Variants in ENDOV observed in about 807,000 individuals in gnomAD.
The protein encoded by ENDOV is endonuclease V.
ENDOV carries 37 observed loss-of-function variants against 39.4 expected under a neutral mutation model. The ratio of observed to expected loss-of-function variants is 0.94; its 90% CI spans 0.72 to 1.23. The LOEUF is 1.23. Among genes scored for constraint, ENDOV ranks in the 50% most tolerant of loss-of-function variants. The probability of loss-of-function intolerance (pLI) is 0.00; values close to 1 mark genes in which losing one functional copy is unlikely to be tolerated. For missense variants in ENDOV, 441 were observed against 375.7 expected, an observed-to-expected ratio of 1.17 and a Z score of -1.44; for synonymous variants, 186 against 163.4, an observed-to-expected ratio of 1.14 and a Z score of -1.05.
intron 2 of ENDOV, chr17:80,420,623 AACAAAACTGCAGGAAGGTAG>A (rs1209922239): frequency 6.6e-6 from 1 of 152,388 alleles, no homozygotes; most frequent in African/African-American, 2.4e-5. Context: ...GGGATTCAGT[AACAAAACTGCAGGAAGGTAG>A]ACAGGTCTGC....
intron 7 of ENDOV, chr17:80,428,298 G>C: frequency 2.3e-6 from 1 of 437,152 alleles, no homozygotes; most frequent in South Asian, 2.7e-5. Context: ...GCCACTGGTG[G>C]GGAGGAGACC....
At chr17:80,422,377 T>A in intron 4 of ENDOV, 132 bp downstream of exon 4, 1 of 1,115,686 alleles carries the variant, frequency 9.0e-7, no homozygotes, top group African/African-American at 1.6e-5. Context: ...GGCTTCTTTC[T>A]CGGCGCAACG....
At position 80,425,250 on chromosome 17, in the gene ENDOV, A is replaced by G. The variant is rs4075160; in HGVS notation, c.585+150A>G. On this transcript the variant is annotated intron_variant, in intron 6 of 9. Transcript: ENST00000518137. ...CCATCCATCCTCCTGCCTCTGACTG[A>G]GTCCAGGGTGTGATGTTTGTGTTTC... 0.016 allele frequency: 14,043 copies of G among 867,466 alleles called. 1,356 individuals are homozygous for G. The African/African-American group carries it at 0.22, about 13-fold the overall frequency. The allele number at this position is 867,466 out of a possible 1,614,324, so 53.7% of individuals were successfully genotyped here.
At chr17:80,429,685 C>T (rs914073345) in intron 8 of ENDOV, 88 bp from the exon 9 acceptor site, 17 of 1,305,690 alleles carry the variant, frequency 1.3e-5, no homozygotes, top group South Asian at 7.1e-5. Context: ...CCAGGCCAAG[C>T]GCAGTTCCCA....
chr17:80,417,414 T>TCTTA (rs2144808116), intron 2 of ENDOV: 1 of 152,336 alleles, frequency 6.6e-6, no homozygotes, highest in South Asian at 2.1e-4. Flanking sequence ...CAGCACCATG[T>TCTTA]CTTAGTCCGT....
chr17:80,428,450 C>T (rs983677921), intron 7 of ENDOV, 146 bp from the exon 8 acceptor site: 57 of 753,454 alleles, frequency 7.6e-5, no homozygotes, highest in South Asian at 4.0e-4. Context: ...GACAGGGCCG[C>T]GGCTCCTGAG....
chr17:80,415,678 G>C lies in ENDOV; in HGVS notation c.85G>C (p.Val29Leu), dbSNP rs35549084. 1.2e-6 allele frequency: 2 copies of C among 1,612,214 alleles called. No homozygotes were observed. ...REQARLKAHV[V>L]DRDTEAWQRD... The stretch of plus-strand genomic sequence containing the variant: ...GCAAGCTCGGCTGAAGGCCCACGTC[G>C]TAGACCGGGACACCGAGGCGTGGCA... The change falls in exon 2 of 10, where the codon GTA becomes CTA. Residue 29 changes from valine (V) to leucine (L), a missense_variant. Val to Leu is a conservative substitution (Grantham distance 32, BLOSUM62 1). Coordinates refer to ENST00000518137, the MANE Select transcript of ENDOV (RefSeq NM_173627.5).
chr17:80,428,568 C>G (rs889726353), intron 7 of ENDOV, 28 bp from the exon 8 acceptor site: 14 of 1,563,176 alleles, frequency 9.0e-6, no homozygotes, highest in African/African-American at 4.1e-5. Context: ...ACCAGCTCAG[C>G]ACCCAGCAGC....
Position 80,436,298 on chromosome 17 carries a change from C to T in ENDOV, c.*155C>T, listed in dbSNP as rs533100537. Reference sequence around the variant, plus strand: ...ACGCGGTGGTGAGAGCACACGTCCTCGTCTCGTTCCTGATCGAACGTGGTG... The same window carrying T: ...ACGCGGTGGTGAGAGCACACGTCCTTGTCTCGTTCCTGATCGAACGTGGTG... On this transcript the variant is annotated 3_prime_UTR_variant, in exon 10 of 10. Coordinates refer to ENST00000518137, the MANE Select transcript of ENDOV (RefSeq NM_173627.5). The T allele has an allele frequency of 3.8e-6, 6 of 1,572,588 alleles. No individual in the cohort carries two copies. The highest frequency in any genetic ancestry group is 3.4e-5 in the South Asian group (3 of 87,058).
Position 80,436,461 on chromosome 17 carries a change from T to A in ENDOV, c.*318T>A. Reference sequence around the variant, plus strand: ...AAGACGGTCCCTTCTAGTCCTAATTTGTTAAGTGTTTTTATCCTTAAAGGG... The same window carrying A: ...AAGACGGTCCCTTCTAGTCCTAATTAGTTAAGTGTTTTTATCCTTAAAGGG... On this transcript the variant is annotated 3_prime_UTR_variant, in exon 10 of 10. Transcript: ENST00000518137. 1.0e-6 allele frequency: 1 copy of A among 1,004,100 alleles called. No homozygotes were observed. 62.2% of individuals were successfully genotyped at this position (1,004,100 alleles called of 1,614,324 possible).
chr17:80,426,321 A>G (rs2082679563), intron 7 of ENDOV, among the ~76,000 whole-genome samples: 1 of 152,206 alleles, frequency 6.6e-6, no homozygotes, highest in African/African-American at 2.4e-5. Context: ...AGGAAGGGGA[A>G]GGACAGCCCT....
chr17:80,421,867 C>T lies in ENDOV; in HGVS notation c.268C>T (p.Pro90Ser), dbSNP rs367553290. Residue 90 changes from proline to serine, a missense_variant, in exon 3 of 10, where the codon CCC (proline) becomes TCC (serine). Pro to Ser is a moderately conservative substitution (Grantham distance 74, BLOSUM62 -1). Transcript: ENST00000518137. ...EESRMVSLTA[P>S]YVSGFLAFRE... ...GAGCCGCATGGTCAGCCTCACAGCC[C>T]CCTACGTGTCGGGCTTCCTGGCCTT... 6.2e-6 allele frequency: 10 copies of T among 1,604,978 alleles called. No individual in the cohort carries two copies. In the African/African-American group the frequency reaches 9.4e-5, roughly 15 times the overall value.
intron 2 of ENDOV, among the ~76,000 whole-genome samples, chr17:80,416,789 G>A (rs1199524900): frequency 7.2e-6 from 1 of 139,400 alleles, no homozygotes; most frequent in African/African-American, 2.7e-5. Flanking sequence ...CCCACTCTGT[G>A]CCCAGGCTGA....
At chr17:80,426,049 TCTGGGGACTTGGGTATGCCCGCCC>T (rs1165958265) in intron 7 of ENDOV, among the ~76,000 whole-genome samples, 2 of 152,158 alleles carry the variant, frequency 1.3e-5, no homozygotes, top group Non-Finnish European at 2.9e-5. Context: ...GAGACGCCAG[TCTGGGGACTTGGGTATGCCCGCCC>T]CAGGACCCAG....
At chr17:80,425,688 C>A in intron 7 of ENDOV, 68 bp downstream of exon 7, 1 of 1,532,224 alleles carries the variant, frequency 6.5e-7, no homozygotes, top group Non-Finnish European at 8.7e-7. Context: ...CTGTTCAGGG[C>A]TCCCCAGCAG....
At chr17:80,420,064 G>T in intron 2 of ENDOV, 1 of 232,232 alleles carries the variant, frequency 4.3e-6, no homozygotes, top group Non-Finnish European at 8.8e-6. Flanking sequence ...AGCTGTTGCT[G>T]CTCTGGAATA....
rs758918125 is a variant in ENDOV at position 80,437,190 on chromosome 17, G to A, written c.*1047G>A. 6.5e-6 allele frequency: 1 copy of A among 152,694 alleles called. No homozygotes were observed. The highest frequency in any genetic ancestry group is 1.5e-5 in the Non-Finnish European group (1 of 68,078). The allele number at this position is 152,694 out of a possible 1,614,324, so 9.5% of individuals were successfully genotyped here. ...AGATGCTGAGCAGTGATCTGGCTGG[G>A]AAAGGGGACCAGGAGTGCAGGGCAC... On this transcript the variant is annotated 3_prime_UTR_variant, in exon 10 of 10. Transcript: ENST00000518137.
chr17:80,425,521 G>T lies in ENDOV; in HGVS notation c.615G>T (p.Arg205Ser), dbSNP rs757201690. 2.5e-6 allele frequency: 4 copies of T among 1,598,178 alleles called. No individual in the cohort carries two copies. Among genetic ancestry groups the T allele is most frequent in the African/African-American group, 1.3e-5 (1 of 74,884 alleles). Residue 205 changes from arginine to serine, a missense_variant, in exon 7 of 10, where the codon AGG (arginine) becomes AGT (serine). Arg to Ser is a moderately radical substitution (Grantham distance 110). Coordinates refer to ENST00000518137, the MANE Select transcript of ENDOV (RefSeq NM_173627.5). Reference sequence around the variant, plus strand: ...TGAGGAGCCACGACCGCAGCACCAGGCCCCTCTACATCTCCGTGGGCCACA... The same window carrying T: ...TGAGGAGCCACGACCGCAGCACCAGTCCCCTCTACATCTCCGTGGGCCACA... Reference protein sequence around the residue: ...MALRSHDRSTRPLYISVGHRM... With the variant: ...MALRSHDRSTSPLYISVGHRM...
At chr17:80,434,131 C>G (rs993892470) in intron 9 of ENDOV, among the ~76,000 whole-genome samples, 1 of 152,214 alleles carries the variant, frequency 6.6e-6, no homozygotes, top group African/African-American at 2.4e-5. Flanking sequence ...GTTGTGGGCA[C>G]CATGCCGACG....
Sources: allele counts gnomAD v4.1 joint callset (sites outside exome capture counted in the v4.1 genomes callset), GRCh38; gene constraint gnomAD v4.1.1; transcripts MANE v1.5; gene names NCBI Gene and HGNC (gene_info 2026-07-23, HGNC 2026-07-21).